NREP: variants seen among roughly 807,000 people sequenced by gnomAD.
NREP encodes neuronal regeneration-related protein.
A neutral mutation model predicts 8.6 loss-of-function variants in NREP; 5 were observed. That is an observed-to-expected ratio of 0.58 (90% CI 0.30 to 1.22). The LOEUF is 1.22. NREP is among the 50% of genes most tolerant of loss of function. NREP has a pLI of 0.07. For synonymous variants in NREP, 27 were observed against 28.0 expected, an observed-to-expected ratio of 0.96 and a Z score of 0.11; for missense variants, 86 against 82.5, an observed-to-expected ratio of 1.04 and a Z score of -0.17.
intron 2 of NREP, among the ~76,000 whole-genome samples, chr5:111,957,782 G>T (rs998606551): frequency 6.6e-6 from 1 of 151,734 alleles, no homozygotes; most frequent in African/African-American, 2.4e-5. Context: ...AACCAGGTAA[G>T]TTAGGAAGTA....
At chr5:111,745,157 A>G (rs1452461281) in intron 2 of NREP, among the ~76,000 whole-genome samples, 1 of 152,132 alleles carries the variant, frequency 6.6e-6, no homozygotes, top group African/African-American at 2.4e-5. Context: ...AATAAACCCA[A>G]ATATATATAA....
At position 111,866,302 on chromosome 5, in the gene NREP, C is replaced by T. The variant is rs1332342065; in HGVS notation, c.135+108972G>A. ...TCTACAATGAACTCAAACAAATTTA[C>T]GAGAAAAAAAAACCCGATCAAAAAG... On this transcript the variant is annotated intron_variant, in intron 2 of 3. Coordinates refer to the NREP transcript ENST00000395634. Among the ~76,000 whole-genome samples the T allele has an allele frequency of 7.9e-5, 12 of 151,104 alleles. No individual in the cohort carries two copies. In the South Asian group the frequency reaches 1.7e-3, roughly 21 times the overall value.
chr5:111,834,603 A>G (rs978399290), intron 2 of NREP, among the ~76,000 whole-genome samples: 1 of 152,210 alleles, frequency 6.6e-6, no homozygotes, highest in Non-Finnish European at 1.5e-5. Context: ...TTTAAAACTT[A>G]TGCAGATAAT....
chr5:111,909,390 T>G (rs1331841023), intron 2 of NREP, among the ~76,000 whole-genome samples: 2 of 152,128 alleles, frequency 1.3e-5, no homozygotes, highest in Non-Finnish European at 2.9e-5. Flanking sequence ...TATTTGGAGT[T>G]GGTTTGATTA....
At chr5:111,881,155 C>T (rs534567973) in intron 2 of NREP, among the ~76,000 whole-genome samples, 26 of 152,326 alleles carry the variant, frequency 1.7e-4, no homozygotes, top group African/African-American at 4.6e-4. Flanking sequence ...GCTTAAAAAA[C>T]GGCGCACCAG....
intron 2 of NREP, among the ~76,000 whole-genome samples, chr5:111,947,830 T>C (rs989666697): frequency 6.6e-6 from 1 of 152,064 alleles, no homozygotes; most frequent in African/African-American, 2.4e-5. Context: ...AGTTATCTTG[T>C]ACATTAGAAA....
intron 2 of NREP, among the ~76,000 whole-genome samples, chr5:111,822,461 G>A (rs1043876462): frequency 6.6e-6 from 1 of 152,160 alleles, no homozygotes; most frequent in Admixed American, 6.5e-5. Flanking sequence ...AAACATCCAG[G>A]CTATCAATCG....
At chr5:111,774,269 G>GAGGGAGAGAAGA (rs1053313237) in intron 2 of NREP, among the ~76,000 whole-genome samples, 1 of 137,732 alleles carries the variant, frequency 7.3e-6, no homozygotes, top group African/African-American at 2.9e-5. Context: ...GGGAGAGAAG[G>GAGGGAGAGAAGA]AGGGAGAGAA....
exon 1 of NREP, chr5:111,976,833 C>G (rs1756980479): frequency 1.7e-5 from 16 of 926,352 alleles, no homozygotes; most frequent in Non-Finnish European, 2.7e-5. Flanking sequence ...GGACACAGCT[C>G]TGCAGCCCAT....
intron 2 of NREP, among the ~76,000 whole-genome samples, chr5:111,970,623 T>G (rs1022297463): frequency 2.0e-4 from 31 of 151,888 alleles, no homozygotes; most frequent in Non-Finnish European, 5.9e-5. Flanking sequence ...CTCAGGAGTT[T>G]GAGACCAGCC....
intron 2 of NREP, among the ~76,000 whole-genome samples, chr5:111,867,427 T>C (rs1753693417): frequency 6.6e-6 from 1 of 152,104 alleles, no homozygotes; most frequent in Admixed American, 6.6e-5. Context: ...ACTTGCTCTC[T>C]CTCCCCCTCC....
chr5:111,925,274 C>T (rs1236238828), intron 2 of NREP, among the ~76,000 whole-genome samples: 2 of 117,222 alleles, frequency 1.7e-5, no homozygotes, highest in African/African-American at 5.9e-5. Flanking sequence ...AGATGTCTCT[C>T]CGTCTCTGCA....
intron 2 of NREP, among the ~76,000 whole-genome samples, chr5:111,771,299 T>G (rs1287786841): frequency 1.3e-5 from 2 of 152,188 alleles, no homozygotes; most frequent in Non-Finnish European, 2.9e-5. Flanking sequence ...AGTTAGGCAT[T>G]CGTTAACTCA....
At chr5:111,944,328 G>C (rs1755916286) in intron 2 of NREP, among the ~76,000 whole-genome samples, 1 of 151,248 alleles carries the variant, frequency 6.6e-6, no homozygotes, top group African/African-American at 2.4e-5. Context: ...TCTTTTTTGA[G>C]ACAAGGTCTT....
rs189400622 is a variant in NREP, at chr5:111,974,947, G to C, written c.135+327C>G. 2.0e-5 allele frequency among the ~76,000 whole-genome samples: 3 copies of C among 152,192 alleles called. 1 individual carries two copies. The highest frequency in any genetic ancestry group is 4.1e-4 in the South Asian group (2 of 4,826). On this transcript the variant is annotated intron_variant, in intron 2 of 3. Coordinates refer to the NREP transcript ENST00000395634. ...ATCACATACTGAGAACAAAGACCAC[G>C]TGAGTTCCAAGAATGGAGGGAATGC...
At chr5:111,870,949 T>A (rs1056882678) in intron 2 of NREP, among the ~76,000 whole-genome samples, 1 of 152,042 alleles carries the variant, frequency 6.6e-6, no homozygotes, top group African/African-American at 2.4e-5. Context: ...TAAAAGTACT[T>A]TGAAACTAAC....
intron 2 of NREP, among the ~76,000 whole-genome samples, chr5:111,920,564 G>T (rs1755209343): frequency 6.6e-6 from 1 of 152,124 alleles, no homozygotes; most frequent in East Asian, 1.9e-4. Flanking sequence ...GCAAAAGGAA[G>T]AAAAATCTCT....
At chr5:111,757,922 C>T (rs1169443453), upstream of NREP, 5 of 985,382 alleles carry the variant, frequency 5.1e-6, no homozygotes, top group East Asian at 2.3e-4. Context: ...AGAGGCGGCG[C>T]GGCCCGTACT....
chr5:111,964,661 T>G (rs551013310), intron 2 of NREP, among the ~76,000 whole-genome samples: 1 of 152,040 alleles, frequency 6.6e-6, no homozygotes, highest in East Asian at 1.9e-4. Flanking sequence ...TGAGCTACCA[T>G]GCTGAGCCTA....
Sources: allele counts gnomAD v4.1 joint callset (sites outside exome capture counted in the v4.1 genomes callset), GRCh38; gene constraint gnomAD v4.1.1; transcripts MANE v1.5; gene names NCBI Gene and HGNC (gene_info 2026-07-23, HGNC 2026-07-21).